The following MTUS2 variants were observed in gnomAD, a reference collection of about 807,000 sequenced individuals.
MTUS2 encodes the protein microtubule associated scaffold protein 2, also known as microtubule-associated tumor suppressor candidate 2.
In MTUS2, 40 loss-of-function variants were observed where a neutral mutation model predicts 114.1. That is an observed-to-expected ratio of 0.35 (90% CI 0.27 to 0.46). MTUS2 has a LOEUF of 0.46. MTUS2 is among the 20% of genes least tolerant of loss of function. The pLI, the probability that MTUS2 is intolerant of heterozygous loss-of-function variation, is 1.00. For synonymous variants in MTUS2, 688 were observed against 672.0 expected, an observed-to-expected ratio of 1.02 and a Z score of -0.37; for missense variants, 1,679 against 1,705.4, an observed-to-expected ratio of 0.98 and a Z score of 0.27.
At chr13:28,972,633 G>A (rs1593346311) in intron 2 of MTUS2, among the ~76,000 whole-genome samples, 1 of 152,094 alleles carries the variant, frequency 6.6e-6, no homozygotes, top group African/African-American at 2.4e-5. Context: ...TACTAATGTC[G>A]CAGCCCCGAG....
intron 5 of MTUS2, among the ~76,000 whole-genome samples, chr13:29,186,356 T>C (rs887013454): frequency 6.6e-6 from 1 of 152,192 alleles, no homozygotes; most frequent in Non-Finnish European, 1.5e-5. Flanking sequence ...GATCCAACTG[T>C]ATGCTATCTA....
At chr13:28,828,966 A>G (rs764177768) in intron 1 of MTUS2, among the ~76,000 whole-genome samples, 11 of 152,234 alleles carry the variant, frequency 7.2e-5, no homozygotes, top group African/African-American at 1.7e-4. Flanking sequence ...TATTGCATTA[A>G]TATATTATTT....
Position 29,371,983 on chromosome 13 carries a change from CCCCCA to C in MTUS2, c.3117+12512_3117+12516del, listed in dbSNP as rs1481352146. ...TAAGTGTCCTCAACCCCCGCCCCCCCCCCCACACACACACACAAGCACAAAAGGTA... is the reference window on the plus strand; with the variant it reads ...TAAGTGTCCTCAACCCCCGCCCCCCCCACACACACACAAGCACAAAAGGTA... On this transcript the variant is annotated intron_variant, in intron 8 of 15. Coordinates refer to ENST00000612955, the MANE Select transcript of MTUS2 (RefSeq NM_001033602.4). Among the ~76,000 whole-genome samples the C allele has an allele frequency of 5.7e-3, 359 of 63,056 alleles. 75 individuals are homozygous for C. The highest frequency in any genetic ancestry group is 0.046 in the South Asian group (54 of 1,166). 41.4% of individuals were successfully genotyped at this position (63,056 alleles called of 152,430 possible). A position where few individuals can be genotyped will look rare whatever the true frequency, so the allele number is the denominator to read the frequency against.
chr13:29,165,195 C>T (rs1052395605), intron 5 of MTUS2, among the ~76,000 whole-genome samples: 18 of 152,210 alleles, frequency 1.2e-4, no homozygotes, highest in African/African-American at 4.3e-4. Flanking sequence ...GTCTGAACTT[C>T]TGTCCTGCCA....
intron 2 of MTUS2, among the ~76,000 whole-genome samples, chr13:28,921,600 C>T (rs1364393694): frequency 5.3e-5 from 8 of 152,150 alleles, no homozygotes; most frequent in African/African-American, 1.9e-4. Flanking sequence ...TAGGCGTTAC[C>T]TATGAATTGC....
At chr13:28,888,845 T>C (rs1329928507) in intron 2 of MTUS2, among the ~76,000 whole-genome samples, 1 of 152,226 alleles carries the variant, frequency 6.6e-6, no homozygotes, top group Non-Finnish European at 1.5e-5. Context: ...CTTGAGATAT[T>C]GCAAGCAACC....
intron 5 of MTUS2, among the ~76,000 whole-genome samples, chr13:29,230,453 C>T (rs1037502064): frequency 1.3e-5 from 2 of 152,124 alleles, no homozygotes; most frequent in Non-Finnish European, 2.9e-5. Flanking sequence ...AAATCAGCAG[C>T]GAAGGCCTGG....
chr13:29,410,849 T>G (rs1474810310), intron 8 of MTUS2, among the ~76,000 whole-genome samples: 1 of 124,460 alleles, frequency 8.0e-6, no homozygotes, highest in Non-Finnish European at 1.8e-5. Flanking sequence ...TTGTTTGTTT[T>G]GAGACAGAGT....
chr13:29,429,871 T>C (rs949939810), intron 8 of MTUS2, among the ~76,000 whole-genome samples: 1 of 152,216 alleles, frequency 6.6e-6, no homozygotes, highest in Non-Finnish European at 1.5e-5. Flanking sequence ...TGGGAGCATC[T>C]TAGTTACCAG....
chr13:29,452,572 ATATGTGTG>A (rs1419578643), intron 9 of MTUS2, among the ~76,000 whole-genome samples: 18 of 48,732 alleles, frequency 3.7e-4, no homozygotes, highest in African/African-American at 1.1e-3. Flanking sequence ...ATATATATAT[ATATGTGTG>A]TGTGTGTGTG....
intron 5 of MTUS2, among the ~76,000 whole-genome samples, chr13:29,207,600 C>T (rs531987644): frequency 6.6e-6 from 1 of 152,128 alleles, no homozygotes; most frequent in Non-Finnish European, 1.5e-5. Flanking sequence ...TGTATCCTTT[C>T]TATGCTAATT....
chr13:29,264,440 C>A (rs939803961), intron 5 of MTUS2, among the ~76,000 whole-genome samples: 1 of 152,264 alleles, frequency 6.6e-6, no homozygotes, highest in Non-Finnish European at 1.5e-5. Flanking sequence ...ATAGCTCCCC[C>A]AGGCAGTGCC....
chr13:29,096,115 C>T (rs2094557), intron 4 of MTUS2, among the ~76,000 whole-genome samples: 1 of 151,956 alleles, frequency 6.6e-6, no homozygotes, highest in South Asian at 2.1e-4. Flanking sequence ...CTCTTCCTCT[C>T]TGGGGCTTGT....
At chr13:29,397,585 A>C (rs1327063017) in intron 8 of MTUS2, among the ~76,000 whole-genome samples, 1 of 152,216 alleles carries the variant, frequency 6.6e-6, no homozygotes, top group Non-Finnish European at 1.5e-5. Context: ...ATTTGTGTCC[A>C]CACTAAATCT....
At chr13:28,877,144 A>C (rs1327354466) in intron 2 of MTUS2, among the ~76,000 whole-genome samples, 12 of 150,452 alleles carry the variant, frequency 8.0e-5, no homozygotes, top group Non-Finnish European at 1.6e-4. Flanking sequence ...AAAAAAAAAA[A>C]ACAACAAAAA....
intron 6 of MTUS2, among the ~76,000 whole-genome samples, chr13:29,300,398 T>C (rs564342935): frequency 1.8e-4 from 28 of 152,294 alleles, no homozygotes; most frequent in African/African-American, 5.3e-4. Flanking sequence ...CTTGAGGAGC[T>C]ATGGGAGCTT....
intron 7 of MTUS2, among the ~76,000 whole-genome samples, chr13:29,327,685 C>G (rs1454501597): frequency 1.0e-5 from 1 of 100,288 alleles, no homozygotes; most frequent in East Asian, 2.6e-4. Context: ...AATCTTTGTA[C>G]AAATGTACAA....
intron 5 of MTUS2, among the ~76,000 whole-genome samples, chr13:29,178,942 G>A (rs2139148785): frequency 6.6e-6 from 1 of 152,292 alleles, no homozygotes; most frequent in Non-Finnish European, 1.5e-5. Flanking sequence ...CACAGAAGTG[G>A]ATTTTAAGAG....
intron 6 of MTUS2, among the ~76,000 whole-genome samples, chr13:29,322,931 T>G (rs1900313724): frequency 6.6e-6 from 1 of 152,164 alleles, no homozygotes; most frequent in Non-Finnish European, 1.5e-5. Flanking sequence ...CTTAACTAAA[T>G]GAATCGATTA....
Sources: gnomAD v4.1 joint callset for allele counts (sites outside exome capture counted in the v4.1 genomes callset) on GRCh38, gnomAD v4.1.1 for gene constraint, MANE v1.5 for transcripts, NCBI Gene and HGNC (gene_info 2026-07-23, HGNC 2026-07-21) for gene names.